The following SERPINB8 variants were observed in gnomAD, a reference collection of about 807,000 sequenced individuals.
SERPINB8 encodes serpin B8.
In SERPINB8, 25 loss-of-function variants were observed where a neutral mutation model predicts 35.3. The ratio of observed to expected loss-of-function variants is 0.71; its 90% CI spans 0.52 to 0.99. The LOEUF is 0.99. SERPINB8 is among the 50% of genes least tolerant of loss of function. SERPINB8 has a pLI of 0.00. For synonymous variants in SERPINB8, 186 were observed against 160.8 expected, an observed-to-expected ratio of 1.16 and a Z score of -1.19; for missense variants, 484 against 446.5, an observed-to-expected ratio of 1.08 and a Z score of -0.76.
chr18:64,000,914 G>T (rs1427665194), intron 1 of SERPINB8, among the ~76,000 whole-genome samples: 1 of 152,056 alleles, frequency 6.6e-6, no homozygotes, highest in Admixed American at 6.5e-5. Flanking sequence ...GGTTACATTT[G>T]GTTTTACTTC....
At chr18:63,994,660 A>G (rs1228334980) in intron 1 of SERPINB8, among the ~76,000 whole-genome samples, 1 of 152,120 alleles carries the variant, frequency 6.6e-6, no homozygotes, top group African/African-American at 2.4e-5. Context: ...GGTACACTGT[A>G]ACAAGACCCA....
chr18:63,977,577 C>T (rs772881038), intron 1 of SERPINB8, among the ~76,000 whole-genome samples: 26 of 152,278 alleles, frequency 1.7e-4, no homozygotes, highest in Middle Eastern at 6.8e-3. Flanking sequence ...ATCTGCCTGC[C>T]TTGGCTTTCC....
downstream of SERPINB8, among the ~76,000 whole-genome samples, chr18:63,990,408 G>A (rs542285937): frequency 2.8e-4 from 43 of 151,972 alleles, no homozygotes; most frequent in African/African-American, 1.0e-3. Context: ...GAGAAATCTC[G>A]TGATATGGCT....
intron 6 of SERPINB8, chr18:63,986,153 C>T: frequency 1.0e-6 from 1 of 956,948 alleles, no homozygotes; most frequent in Non-Finnish European, 1.6e-6. Flanking sequence ...CAAAACAATG[C>T]TCGTTGGAGA....
intron 1 of SERPINB8, among the ~76,000 whole-genome samples, chr18:64,003,519 ATGTG>A (rs61161137): frequency 0.1 from 15,125 of 148,024 alleles, 986 homozygotes; most frequent in African/African-American, 0.18. Context: ...TGAGGGACAA[ATGTG>A]TGTGTGTGTG....
rs769480916 is a variant in SERPINB8 at position 63,986,935 on chromosome 18, A to G, written c.782A>G (p.Lys261Arg). Residue 261 changes from lysine to arginine, a missense_variant, in exon 7 of 7, where the codon AAA (lysine) becomes AGA (arginine). By Grantham distance (26) the Lys-to-Arg change is conservative. Transcript: ENST00000397985. ...TGGACAAATTCAGAAAAGTTGACAA[A>G]AAGTAAGGTTCAAGTTTTCCTTCCC... ...KAWTNSEKLT[K>R]SKVQVFLPRL... 1.2e-6 allele frequency: 2 copies of G among 1,613,830 alleles called. No individual in the cohort carries two copies. Among genetic ancestry groups the G allele is most frequent in the South Asian group, 1.1e-5 (1 of 90,942 alleles).
rs1568275935 is a variant in SERPINB8, at chr18:63,985,093, GA to G, written c.575del (p.Lys192ArgfsTer5). On this transcript the variant is annotated frameshift_variant and splice_region_variant, in exon 6 of 7. Coordinates refer to ENST00000397985, the MANE Select transcript of SERPINB8 (RefSeq NM_002640.4). LOFTEE classifies it high-confidence loss of function. ...TRGMLFKTNE[E>X]KKTVQMMFKE... ...AATCGAACTTTAATTTTTCCGTTAG[GA>G]AAAAAAGACAGTGCAGATGATGTTT... 1.2e-6 allele frequency: 2 copies of G among 1,612,426 alleles called. No homozygotes were observed. Among genetic ancestry groups the G allele is most frequent in the African/African-American group, 1.3e-5 (1 of 74,800 alleles).
chr18:63,971,709 G>C (rs1422368071), intron 1 of SERPINB8, among the ~76,000 whole-genome samples: 1 of 152,168 alleles, frequency 6.6e-6, no homozygotes, highest in African/African-American at 2.4e-5. Flanking sequence ...TACTGAGCCG[G>C]GTTATCTTTC....
downstream of SERPINB8, among the ~76,000 whole-genome samples, chr18:64,008,421 T>A (rs890351696): frequency 2.0e-5 from 3 of 151,528 alleles, no homozygotes; most frequent in African/African-American, 7.3e-5. Context: ...TTTTTTTTTT[T>A]AATTTTTACT....
intron 1 of SERPINB8, among the ~76,000 whole-genome samples, chr18:63,994,976 C>A (rs587274): frequency 0.31 from 47,120 of 151,958 alleles, 8,756 homozygotes; most frequent in African/African-American, 0.53. Flanking sequence ...GATGACTATC[C>A]GGCGCCCTCT....
chr18:64,017,558 T>C (rs1767961979), intron 7 of SERPINB8, among the ~76,000 whole-genome samples: 1 of 152,208 alleles, frequency 6.6e-6, no homozygotes, highest in African/African-American at 2.4e-5. Context: ...GTACATGAAC[T>C]AGTTGAATCT....
chr18:63,976,818 T>C (rs1317124963), intron 1 of SERPINB8, among the ~76,000 whole-genome samples: 1 of 152,192 alleles, frequency 6.6e-6, no homozygotes, highest in East Asian at 1.9e-4. Flanking sequence ...TTTATATCCA[T>C]GCCTATGGAC....
chr18:64,000,220 G>A (rs1568283861), intron 1 of SERPINB8, among the ~76,000 whole-genome samples: 1 of 152,188 alleles, frequency 6.6e-6, no homozygotes, highest in Non-Finnish European at 1.5e-5. Flanking sequence ...TCATGGCTAT[G>A]TTTAATCTTC....
chr18:64,014,882 G>C (rs1458533112), intron 7 of SERPINB8, among the ~76,000 whole-genome samples: 1 of 152,092 alleles, frequency 6.6e-6, no homozygotes, highest in African/African-American at 2.4e-5. Flanking sequence ...TTTCTGAAAG[G>C]CTAGCAATCT....
downstream of SERPINB8, among the ~76,000 whole-genome samples, chr18:63,993,811 G>A (rs1331923792): frequency 6.6e-6 from 1 of 152,226 alleles, no homozygotes; most frequent in Non-Finnish European, 1.5e-5. Context: ...GGGCATTGAA[G>A]TGTCCAGTGG....
rs140176524 is a variant in SERPINB8 at position 63,987,141 on chromosome 18, G to T, written c.988G>T (p.Ala330Ser). Reference protein sequence around the residue: ...EVNEEGTEAAAATAVVRNSRC... With the variant: ...EVNEEGTEAASATAVVRNSRC... ...CAATGAGGAAGGCACAGAGGCTGCC[G>T]CAGCCACTGCTGTGGTCAGGAATTC... Residue 330 changes from alanine (A) to serine (S), a missense_variant, in exon 7 of 7, where the codon GCA becomes TCA. By Grantham distance (99) the Ala-to-Ser change is moderately conservative. Coordinates refer to ENST00000397985, the MANE Select transcript of SERPINB8 (RefSeq NM_002640.4). 6.2e-7 allele frequency: 1 copy of T among 1,614,110 alleles called. No individual in the cohort carries two copies. Among genetic ancestry groups the T allele is most frequent in the Admixed American group, 1.7e-5 (1 of 60,018 alleles).
chr18:64,008,193 C>T (rs150486962), downstream of SERPINB8, among the ~76,000 whole-genome samples: 4 of 152,190 alleles, frequency 2.6e-5, no homozygotes, highest in East Asian at 1.9e-4. Context: ...AGCTTTAACA[C>T]GTATTCAGGA....
intron 1 of SERPINB8, among the ~76,000 whole-genome samples, chr18:63,971,297 G>A (rs1467464243): frequency 1.3e-5 from 2 of 152,174 alleles, no homozygotes; most frequent in Non-Finnish European, 2.9e-5. Flanking sequence ...CCATTCTCAT[G>A]GAACCTCTCG....
intron 1 of SERPINB8, among the ~76,000 whole-genome samples, chr18:64,000,668 A>G (rs570577196): frequency 3.3e-5 from 5 of 152,276 alleles, no homozygotes; most frequent in Admixed American, 3.3e-4. Context: ...GACACTGCCA[A>G]GACCTCCTTA....
Sources: allele counts gnomAD v4.1 joint callset (sites outside exome capture counted in the v4.1 genomes callset), GRCh38; gene constraint gnomAD v4.1.1; transcripts MANE v1.5; gene names NCBI Gene and HGNC (gene_info 2026-07-23, HGNC 2026-07-21).